Variants in CSMD1 observed in about 807,000 individuals in gnomAD.
CSMD1 encodes the protein CUB and sushi domain-containing protein 1.
CSMD1 carries 213 observed loss-of-function variants against 417.5 expected under a neutral mutation model. The observed-to-expected ratio is 0.51, with a 90% confidence interval of 0.46 to 0.57. CSMD1 has a LOEUF of 0.57. CSMD1 is among the 20% of genes least tolerant of loss of function. CSMD1 has a pLI of 0.00. For synonymous variants in CSMD1, 2,862 were observed against 1,736.8 expected (o/e 1.65, Z -16.11); for missense variants, 6,923 against 4,529.7 (o/e 1.53, Z -15.17).
At chr8:4,369,504 C>A (rs113475638) in intron 3 of CSMD1, among the ~76,000 whole-genome samples, 3 of 152,072 alleles carry the variant, frequency 2.0e-5, no homozygotes, top group African/African-American at 7.2e-5. Flanking sequence ...TGTTAGTTTT[C>A]TGCCACAATG....
At chr8:4,857,168 T>G (rs1013404443) in intron 1 of CSMD1, among the ~76,000 whole-genome samples, 17 of 150,748 alleles carry the variant, frequency 1.1e-4, no homozygotes, top group Non-Finnish European at 3.0e-5. Context: ...GAATGACTAC[T>G]GGGTACATAA....
chr8:3,555,429 G>T (rs747281016), intron 10 of CSMD1, among the ~76,000 whole-genome samples: 2 of 152,090 alleles, frequency 1.3e-5, no homozygotes, highest in Non-Finnish European at 2.9e-5. Context: ...TCCTGATGAG[G>T]GCTGGTGGGG....
intron 55 of CSMD1, among the ~76,000 whole-genome samples, chr8:2,976,222 G>T (rs1280646525): frequency 7.3e-6 from 1 of 137,508 alleles, no homozygotes; most frequent in East Asian, 2.1e-4. Flanking sequence ...CTCACTTGGA[G>T]AAAAAAAAAA....
At chr8:4,777,461 C>A (rs1796924294) in intron 1 of CSMD1, among the ~76,000 whole-genome samples, 1 of 152,052 alleles carries the variant, frequency 6.6e-6, no homozygotes, top group Non-Finnish European at 1.5e-5. Flanking sequence ...CAGATGTGTG[C>A]CTAGACTCCT....
chr8:3,060,054 G>A (rs964785958), intron 49 of CSMD1, among the ~76,000 whole-genome samples: 12 of 152,034 alleles, frequency 7.9e-5, no homozygotes, highest in African/African-American at 2.9e-4. Context: ...CCGCAAACTG[G>A]AATAAAGTAC....
intron 5 of CSMD1, among the ~76,000 whole-genome samples, chr8:3,783,221 G>A (rs1799273019): frequency 6.6e-6 from 1 of 152,198 alleles, no homozygotes; most frequent in South Asian, 2.1e-4. Context: ...CTGGATAGCA[G>A]TGCATGGTCA....
At chr8:4,063,573 A>C (rs2130748393) in intron 3 of CSMD1, among the ~76,000 whole-genome samples, 1 of 152,298 alleles carries the variant, frequency 6.6e-6, no homozygotes, top group Admixed American at 6.5e-5. Context: ...TAATTTAAGC[A>C]ATATTCCTTG....
intron 2 of CSMD1, among the ~76,000 whole-genome samples, chr8:4,576,020 A>G (rs1320685523): frequency 1.3e-5 from 2 of 152,236 alleles, no homozygotes; most frequent in Non-Finnish European, 2.9e-5. Context: ...GGGTGGAAAA[A>G]TACAATTATT....
intron 5 of CSMD1, among the ~76,000 whole-genome samples, chr8:3,831,690 T>C (rs954648879): frequency 1.3e-5 from 2 of 152,182 alleles, no homozygotes; most frequent in Non-Finnish European, 2.9e-5. Context: ...AGGATATATG[T>C]TTGGAATGCC....
intron 3 of CSMD1, among the ~76,000 whole-genome samples, chr8:4,403,664 G>C (rs148353171): frequency 4.6e-5 from 7 of 152,132 alleles, no homozygotes; most frequent in South Asian, 2.1e-4. Flanking sequence ...CATCTCTCTA[G>C]AGTCTAACCC....
Position 2,951,094 on chromosome 8 carries a change from G to C in CSMD1, c.10201+20C>G, listed in dbSNP as rs1802594558. On this transcript the variant is annotated intron_variant, in intron 66 of 69. Transcript: ENST00000635120. ...TATTTCTGCTCACACCATGCGTTTA[G>C]TGAATTCTTCGGGACCTACCTGTCA... The C allele has an allele frequency of 6.2e-7, 1 of 1,606,300 alleles. No homozygotes were observed. The highest frequency in any genetic ancestry group is 8.5e-7 in the Non-Finnish European group (1 of 1,176,584).
chr8:4,350,158 T>A (rs527308252), intron 3 of CSMD1, among the ~76,000 whole-genome samples: 2 of 152,288 alleles, frequency 1.3e-5, no homozygotes, highest in African/African-American at 4.8e-5. Context: ...ATCTTGATGG[T>A]CCTTATTGTT....
At chr8:4,575,177 T>C (rs1241815511) in intron 2 of CSMD1, among the ~76,000 whole-genome samples, 1 of 152,246 alleles carries the variant, frequency 6.6e-6, no homozygotes, top group African/African-American at 2.4e-5. Context: ...AAGAACTGTA[T>C]CTTATCACTT....
At chr8:4,449,474 T>C (rs1799003151) in intron 2 of CSMD1, among the ~76,000 whole-genome samples, 1 of 152,214 alleles carries the variant, frequency 6.6e-6, no homozygotes, top group South Asian at 2.1e-4. Context: ...ATTAAAACCA[T>C]CATCCTTCAG....
chr8:4,224,624 A>T (rs544648731), intron 3 of CSMD1, among the ~76,000 whole-genome samples: 2 of 152,176 alleles, frequency 1.3e-5, no homozygotes, highest in African/African-American at 4.8e-5. Context: ...CTTCAGACTG[A>T]ATTTTCATCC....
intron 12 of CSMD1, among the ~76,000 whole-genome samples, chr8:3,428,662 TA>T (rs1314344476): frequency 1.3e-5 from 2 of 151,912 alleles, no homozygotes; most frequent in African/African-American, 4.8e-5. Context: ...CTTATAAAAG[TA>T]AAAAAGAACT....
chr8:3,917,504 T>C (rs1056104567), intron 5 of CSMD1, among the ~76,000 whole-genome samples: 3 of 152,104 alleles, frequency 2.0e-5, no homozygotes, highest in African/African-American at 7.2e-5. Context: ...AAGATAAACA[T>C]AAAAAATACA....
At chr8:4,979,006 T>C (rs969339190) in intron 1 of CSMD1, among the ~76,000 whole-genome samples, 10 of 152,206 alleles carry the variant, frequency 6.6e-5, no homozygotes, top group African/African-American at 2.2e-4. Flanking sequence ...CTTAAAAATC[T>C]ACTTTGAAGA....
At chr8:4,774,441 G>C (rs564941177) in intron 1 of CSMD1, among the ~76,000 whole-genome samples, 137 of 152,216 alleles carry the variant, frequency 9.0e-4, no homozygotes, top group African/African-American at 3.2e-3. Flanking sequence ...ATGGTAGTAA[G>C]TATACTCCTC....
Sources: gnomAD v4.1 joint callset for allele counts (sites outside exome capture counted in the v4.1 genomes callset) on GRCh38, gnomAD v4.1.1 for gene constraint, MANE v1.5 for transcripts, NCBI Gene and HGNC (gene_info 2026-07-23, HGNC 2026-07-21) for gene names.